The following C2CD2 variants were observed in gnomAD, a reference collection of about 807,000 sequenced individuals.
C2CD2 encodes the protein C2 calcium dependent domain containing 2.
Under a neutral mutation model 74.3 loss-of-function variants are expected in C2CD2, and 43 were observed. The observed-to-expected ratio is 0.58, with a 90% CI of 0.45 to 0.75. C2CD2 has a LOEUF of 0.75. Among genes scored for constraint, C2CD2 ranks in the 30% least tolerant of loss-of-function variants. The pLI, the probability that C2CD2 is intolerant of heterozygous loss-of-function variation, is 0.00. For missense variants in C2CD2, 801 were observed against 916.3 expected, an observed-to-expected ratio of 0.87 and a Z score of 1.63; for synonymous variants, 422 against 390.7, an observed-to-expected ratio of 1.08 and a Z score of -0.94.
intron 1 of C2CD2, among the ~76,000 whole-genome samples, chr21:41,951,105 G>A (rs1172922587): frequency 6.6e-6 from 1 of 152,178 alleles, no homozygotes; most frequent in Non-Finnish European, 1.5e-5. Context: ...CGCCATCACT[G>A]TCACAACAGC....
intron 2 of C2CD2, among the ~76,000 whole-genome samples, chr21:41,933,976 G>A (rs924263540): frequency 6.6e-6 from 1 of 152,058 alleles, no homozygotes; most frequent in Admixed American, 6.6e-5. Context: ...TCCTCCGGCA[G>A]GAAAAAGCTT....
At chr21:41,896,729 A>AG (rs927893892) in intron 13 of C2CD2, among the ~76,000 whole-genome samples, 2 of 149,366 alleles carry the variant, frequency 1.3e-5, no homozygotes, top group African/African-American at 5.0e-5. Context: ...AAAAAAAAAA[A>AG]CAAGCTTTAG....
intron 13 of C2CD2, among the ~76,000 whole-genome samples, chr21:41,894,380 G>A (rs1247865585): frequency 6.6e-6 from 1 of 152,206 alleles, no homozygotes; most frequent in African/African-American, 2.4e-5. Flanking sequence ...GGAAGCTAAG[G>A]TTTGGAGAGG....
Position 41,889,081 on chromosome 21 carries a change from C to T in C2CD2, c.*43G>A, listed in dbSNP as rs55907107. 1.7e-5 allele frequency: 25 copies of T among 1,469,740 alleles called. No homozygotes were observed. Among genetic ancestry groups the T allele is most frequent in the East Asian group, 2.3e-5 (1 of 44,058 alleles). The allele number at this position is 1,469,740 out of a possible 1,614,324, so 91.0% of individuals were successfully genotyped here. Reference sequence around the variant, plus strand: ...GCTGCGTCCTGGTGAGGGTAGTTAACATGGGTGCACGTCTTCTGGCTTGGA... The same window carrying T: ...GCTGCGTCCTGGTGAGGGTAGTTAATATGGGTGCACGTCTTCTGGCTTGGA... On this transcript the variant is annotated 3_prime_UTR_variant, in exon 14 of 14. Transcript: ENST00000380486.
chr21:41,921,161 C>G (rs867353653), intron 3 of C2CD2, among the ~76,000 whole-genome samples: 1 of 152,192 alleles, frequency 6.6e-6, no homozygotes, highest in Middle Eastern at 3.2e-3. Flanking sequence ...TGTCACCTTC[C>G]CTTGTGATTG....
At chr21:41,901,464 A>T in intron 12 of C2CD2, 158 bp downstream of exon 12, 1 of 766,330 alleles carries the variant, frequency 1.3e-6, no homozygotes, top group Non-Finnish European at 2.3e-6. Context: ...AACACCACAC[A>T]TGACTCCTTT....
chr21:41,905,867 CGGCCCCGTGGCTGACT>C (rs758426888), intron 10 of C2CD2, 30 bp from the exon 11 acceptor site: 11 of 1,238,040 alleles, frequency 8.9e-6, no homozygotes, highest in Admixed American at 1.7e-5. Flanking sequence ...ATTACAAAAG[CGGCCCCGTGGCTGACT>C]GGATCAACAG....
intron 2 of C2CD2, among the ~76,000 whole-genome samples, chr21:41,933,804 T>C (rs8128169): frequency 0.86 from 131,559 of 152,226 alleles, 57,837 homozygotes; most frequent in African/African-American, 0.94. Flanking sequence ...ACCCGTCTAC[T>C]CAACTGGTGG....
chr21:41,925,917 T>C (rs1294146405), intron 2 of C2CD2, among the ~76,000 whole-genome samples: 1 of 152,238 alleles, frequency 6.6e-6, no homozygotes, highest in Non-Finnish European at 1.5e-5. Flanking sequence ...CAATCAGCCA[T>C]GGTCATGAGA....
chr21:41,905,386 C>T (rs963821923), intron 11 of C2CD2, among the ~76,000 whole-genome samples: 6 of 148,240 alleles, frequency 4.0e-5, no homozygotes, highest in East Asian at 2.0e-4. Flanking sequence ...GGTGCAATCT[C>T]GGCTCACTGC....
intron 2 of C2CD2, among the ~76,000 whole-genome samples, chr21:41,931,972 C>A (rs2065266159): frequency 1.0e-5 from 1 of 97,698 alleles, no homozygotes; most frequent in Non-Finnish European, 2.3e-5. Context: ...ACCCCACCTC[C>A]AGCATCCCAC....
intron 13 of C2CD2, among the ~76,000 whole-genome samples, chr21:41,891,948 A>G (rs752678998): frequency 4.6e-5 from 7 of 152,204 alleles, no homozygotes; most frequent in Non-Finnish European, 1.0e-4. Flanking sequence ...CTGAGGTATG[A>G]GCAGGGACAA....
rs912686977 is a variant in C2CD2 at position 41,939,748 on chromosome 21, G to T, written c.378+2399C>A. Among the ~76,000 whole-genome samples the T allele has an allele frequency of 1.3e-5, 2 of 152,214 alleles. No individual in the cohort carries two copies. Among genetic ancestry groups the T allele is most frequent in the Non-Finnish European group, 2.9e-5 (2 of 68,050 alleles). On this transcript the variant is annotated intron_variant, in intron 2 of 13. Coordinates refer to ENST00000380486, the MANE Select transcript of C2CD2 (RefSeq NM_015500.2). The surrounding 1 kb of genome is among the most constrained non-coding windows in gnomAD (Gnocchi z 5.5). ...CTAACAGCGTGGCTCCAGGACTGAC[G>T]AGGGTATGCAGGAAGGAGAGCTCTC...
At chr21:41,919,221 CG>C (rs1303204749) in intron 3 of C2CD2, among the ~76,000 whole-genome samples, 1 of 152,022 alleles carries the variant, frequency 6.6e-6, no homozygotes, top group Non-Finnish European at 1.5e-5. Flanking sequence ...TGAGCGTGTG[CG>C]GAAGTGTGCA....
chr21:41,929,777 C>T lies in C2CD2; in HGVS notation c.379-7692G>A, dbSNP rs1034503153. ...CTCCTGCCCTCATCAGCAAGTTTTCCAAATGAAAGTTACGTTGAAAGCCAC... is the reference window on the plus strand; with the variant it reads ...CTCCTGCCCTCATCAGCAAGTTTTCTAAATGAAAGTTACGTTGAAAGCCAC... On this transcript the variant is annotated intron_variant, in intron 2 of 13. Coordinates refer to ENST00000380486, the MANE Select transcript of C2CD2 (RefSeq NM_015500.2). The surrounding 1 kb of genome is among the most constrained non-coding windows in gnomAD (Gnocchi z 4.6). Among the ~76,000 whole-genome samples the T allele has an allele frequency of 1.3e-5, 2 of 152,204 alleles. No homozygotes were observed. Among genetic ancestry groups the T allele is most frequent in the Non-Finnish European group, 2.9e-5 (2 of 68,048 alleles).
chr21:41,893,133 C>A (rs1027778761), intron 13 of C2CD2, among the ~76,000 whole-genome samples: 1 of 152,160 alleles, frequency 6.6e-6, no homozygotes, highest in Non-Finnish European at 1.5e-5. Flanking sequence ...CACAGCAAGA[C>A]CCCATCTCTA....
At chr21:41,902,455 C>T (rs1366214967) in intron 11 of C2CD2, among the ~76,000 whole-genome samples, 2 of 152,202 alleles carry the variant, frequency 1.3e-5, no homozygotes, top group Admixed American at 6.5e-5. Flanking sequence ...ACCCCATGAG[C>T]AGGTCCTTCC....
rs1012525501 is a variant in C2CD2, at chr21:41,912,168, T to C, written c.953+164A>G. Reference sequence around the variant, plus strand: ...AGAGCTGCCTTTACAACAAAACCCATGTTTGACCTAAAGCTACCTTTAAGA... The same window carrying C: ...AGAGCTGCCTTTACAACAAAACCCACGTTTGACCTAAAGCTACCTTTAAGA... On this transcript the variant is annotated intron_variant, in intron 7 of 13. Coordinates refer to ENST00000380486, the MANE Select transcript of C2CD2 (RefSeq NM_015500.2). 9.1e-6 allele frequency: 5 copies of C among 551,570 alleles called. No homozygotes were observed. In the East Asian group the frequency reaches 9.1e-5, roughly 10 times the overall value. 34.2% of individuals were successfully genotyped at this position (551,570 alleles called of 1,614,324 possible). A position where few individuals can be genotyped will look rare whatever the true frequency, so the allele number is the denominator to read the frequency against.
chr21:41,899,331 A>C lies in C2CD2; in HGVS notation c.1592T>G (p.Leu531Arg), dbSNP rs200866448. 1 of 1,608,596 alleles carries C rather than the reference A, an allele frequency of 6.2e-7. No individual in the cohort carries two copies. The highest frequency in any genetic ancestry group is 8.5e-7 in the Non-Finnish European group (1 of 1,179,970). ...CACAGAGGCCGTGTAGCCCTGCATCAGGGCAGCGTCGTGGTCCTGAGATAG... is the reference window on the plus strand; with the variant it reads ...CACAGAGGCCGTGTAGCCCTGCATCCGGGCAGCGTCGTGGTCCTGAGATAG... ...TSLSQDHDAA[L>R]MQGYTASVDS... Residue 531 changes from leucine (L) to arginine (R), a missense_variant, in exon 13 of 14, where the codon CTG becomes CGG. Leu to Arg is a moderately radical substitution (Grantham distance 102). Transcript: ENST00000380486. This position sits in a 1 kb window ranked among gnomAD's most constrained non-coding sequence, Gnocchi z 4.4.
Sources: allele counts gnomAD v4.1 joint callset (sites outside exome capture counted in the v4.1 genomes callset), GRCh38; gene constraint gnomAD v4.1.1; non-coding constraint Gnocchi (gnomAD v3.1); transcripts MANE v1.5; gene names NCBI Gene and HGNC (gene_info 2026-07-23, HGNC 2026-07-21).